The following AGAP1 variants were observed in gnomAD, a reference collection of about 807,000 sequenced individuals.
The protein encoded by AGAP1 is ArfGAP with GTPase domain, ankyrin repeat and PH domain 1.
AGAP1 carries 29 observed loss-of-function variants against 105.3 expected under a neutral mutation model. The ratio of observed to expected loss-of-function variants is 0.28; its 90% CI spans 0.21 to 0.38. The LOEUF (loss-of-function observed/expected upper bound fraction) is 0.38, where lower values mean the gene tolerates loss of function less well. Ranked by LOEUF, AGAP1 falls within the 10% of genes least tolerant of loss-of-function variation. The pLI, the probability that AGAP1 is intolerant of heterozygous loss-of-function variation, is 1.00. For synonymous variants in AGAP1, 509 were observed against 485.9 expected (o/e 1.05, Z -0.63); for missense variants, 998 against 1,165.1 (o/e 0.86, Z 2.09).
At chr2:235,780,839 A>G (rs1956216633) in intron 6 of AGAP1, among the ~76,000 whole-genome samples, 1 of 152,210 alleles carries the variant, frequency 6.6e-6, no homozygotes, top group South Asian at 2.1e-4. Flanking sequence ...TGGGGTAATT[A>G]TACTGAGATA....
chr2:235,852,719 A>G (rs2048524896), intron 9 of AGAP1: 1 of 1,531,834 alleles, frequency 6.5e-7, no homozygotes, highest in Admixed American at 2.1e-5. Context: ...ACTGACAGCC[A>G]GCACTTATCT....
chr2:235,717,302 C>T (rs1279478692), intron 2 of AGAP1, among the ~76,000 whole-genome samples: 1 of 152,190 alleles, frequency 6.6e-6, no homozygotes, highest in Non-Finnish European at 1.5e-5. Flanking sequence ...TGGAAGAATG[C>T]CAAACCAGTG....
At chr2:235,580,981 A>C (rs754934097) in intron 1 of AGAP1, among the ~76,000 whole-genome samples, 4 of 151,988 alleles carry the variant, frequency 2.6e-5, no homozygotes, top group Non-Finnish European at 5.9e-5. Context: ...TGTGTATATT[A>C]TTGCACACTC....
At chr2:235,757,652 C>G (rs1954042562) in intron 6 of AGAP1, among the ~76,000 whole-genome samples, 1 of 152,196 alleles carries the variant, frequency 6.6e-6, no homozygotes, top group Non-Finnish European at 1.5e-5. Flanking sequence ...CTGGGCCTAT[C>G]TAACCCATGC....
chr2:235,766,433 C>T (rs959558618), intron 6 of AGAP1, among the ~76,000 whole-genome samples: 4 of 152,116 alleles, frequency 2.6e-5, no homozygotes, highest in African/African-American at 9.7e-5. Context: ...TTCTCCTGCG[C>T]AAATGTTTTC....
intron 12 of AGAP1, among the ~76,000 whole-genome samples, chr2:235,943,282 A>G (rs765788387): frequency 5.9e-5 from 9 of 152,078 alleles, no homozygotes; most frequent in African/African-American, 7.2e-5. Context: ...AACATTGGTC[A>G]AATCTTTTTC....
In AGAP1 at chr2:235,777,032, A is replaced by G; in HGVS notation, c.674-20727A>G. 1 of 471,164 alleles carries G rather than the reference A, an allele frequency of 2.1e-6. No homozygotes were observed. Among genetic ancestry groups the G allele is most frequent in the Middle Eastern group, 3.2e-4 (1 of 3,078 alleles). 29.2% of individuals were successfully genotyped at this position (471,164 alleles called of 1,614,324 possible). A position where few individuals can be genotyped will look rare whatever the true frequency, so the allele number is the denominator to read the frequency against. ...TGTGAGCGTCTGCTCTTGAGAGGCCAGGCTGGATCCTGCAGAGAAACGAGG... is the reference window on the plus strand; with the variant it reads ...TGTGAGCGTCTGCTCTTGAGAGGCCGGGCTGGATCCTGCAGAGAAACGAGG... On this transcript the variant is annotated intron_variant, in intron 6 of 17. Coordinates refer to ENST00000304032, the MANE Select transcript of AGAP1 (RefSeq NM_001037131.3). This position sits in a 1 kb window ranked among gnomAD's most constrained non-coding sequence, Gnocchi z 5.1.
chr2:235,671,423 A>AGGCTCGCCGGTCGCCGC (rs1458061531), intron 1 of AGAP1, among the ~76,000 whole-genome samples: 12 of 152,036 alleles, frequency 7.9e-5, no homozygotes, highest in Non-Finnish European at 1.5e-4. Context: ...CAGGGAGCCG[A>AGGCTCGCCGGTCGCCGC]GGCTCGCCGG....
At position 235,968,635 on chromosome 2, in the gene AGAP1, G is replaced by C. The variant is rs768818136; in HGVS notation, c.1645+12G>C. On this transcript the variant is annotated intron_variant, in intron 13 of 17. Transcript: ENST00000304032. ...CGGCACTGCTGAAGGTAAGGGTTCC[G>C]CGGTGCCCCGGGAGAGAGTCTCCAC... 5 of 1,595,794 alleles carry C rather than the reference G, an allele frequency of 3.1e-6. No homozygotes were observed. In the Admixed American group the frequency reaches 9.2e-5, roughly 29 times the overall value.
intron 1 of AGAP1, among the ~76,000 whole-genome samples, chr2:235,512,260 G>A (rs10803646): frequency 0.66 from 99,833 of 152,006 alleles, 32,844 homozygotes; most frequent in Admixed American, 0.71. Flanking sequence ...AACTTTCAGG[G>A]GAGAATACCA....
At chr2:235,523,697 A>G (rs1339463935) in intron 1 of AGAP1, among the ~76,000 whole-genome samples, 2 of 152,194 alleles carry the variant, frequency 1.3e-5, no homozygotes, top group Admixed American at 6.5e-5. Context: ...GAGGCTGCAC[A>G]GACATGGCGG....
At chr2:235,510,163 A>G (rs1190253872) in intron 1 of AGAP1, among the ~76,000 whole-genome samples, 1 of 152,188 alleles carries the variant, frequency 6.6e-6, no homozygotes, top group Non-Finnish European at 1.5e-5. Flanking sequence ...CAATGCAGTA[A>G]TGATAGAAAT....
At chr2:236,070,891 A>G (rs918795428) in intron 16 of AGAP1, among the ~76,000 whole-genome samples, 8 of 152,210 alleles carry the variant, frequency 5.3e-5, no homozygotes, top group African/African-American at 1.7e-4. Context: ...ACTCTGAAAA[A>G]TGCTAAAACC....
intron 5 of AGAP1, among the ~76,000 whole-genome samples, chr2:235,748,187 C>T (rs527878778): frequency 1.2e-4 from 19 of 152,250 alleles, no homozygotes; most frequent in South Asian, 6.2e-4. Flanking sequence ...TGCAGAAGCC[C>T]GTTTTGGTGC....
In AGAP1 at chr2:235,729,145, C is replaced by T. The variant is rs1240426140; in HGVS notation, c.310+11501C>T. Among the ~76,000 whole-genome samples, 4 of 152,154 alleles carry T rather than the reference C, an allele frequency of 2.6e-5. No individual in the cohort carries two copies. The highest frequency in any genetic ancestry group is 1.5e-5 in the Non-Finnish European group (1 of 68,042). On this transcript the variant is annotated intron_variant, in intron 3 of 17. Transcript: ENST00000304032. The surrounding 1 kb of genome is among the most constrained non-coding windows in gnomAD (Gnocchi z 5.0). ...GACAGATAGGGGAATCCCCAGGCCACCTCTGGACCTTGACATTGACTAATG... is the reference window on the plus strand; with the variant it reads ...GACAGATAGGGGAATCCCCAGGCCATCTCTGGACCTTGACATTGACTAATG...
intron 1 of AGAP1, among the ~76,000 whole-genome samples, chr2:235,502,920 G>A (rs191122326): frequency 7.1e-6 from 1 of 140,258 alleles, no homozygotes; most frequent in Non-Finnish European, 1.6e-5. Flanking sequence ...AGGCAGAACC[G>A]TACCTTTAGA....
intron 6 of AGAP1, chr2:235,775,518 A>G (rs1029161003): frequency 2.0e-5 from 3 of 152,214 alleles, no homozygotes; most frequent in African/African-American, 4.8e-5. Context: ...AGAAAAATAA[A>G]TGTACTTTGC....
rs560163722 is a variant in AGAP1, at chr2:235,901,523, C to A, written c.1156-7215C>A. Among the ~76,000 whole-genome samples, 2 of 152,222 alleles carry A rather than the reference C, an allele frequency of 1.3e-5. No individual in the cohort carries two copies. Among genetic ancestry groups the A allele is most frequent in the Admixed American group, 6.5e-5 (1 of 15,280 alleles). ...AGCATACACATGGAGCCAATGGCTG[C>A]TTTGCAGACATGAAGCTAGACTAGT... is the stretch of plus-strand genomic sequence containing the variant. On this transcript the variant is annotated intron_variant, in intron 10 of 17. Transcript: ENST00000304032. The surrounding 1 kb of genome is among the most constrained non-coding windows in gnomAD (Gnocchi z 4.3).
rs1375018793 is a variant in AGAP1 at position 236,038,065 on chromosome 2, A to G, written c.1800+1350A>G. On this transcript the variant is annotated intron_variant, in intron 14 of 17. Coordinates refer to ENST00000304032, the MANE Select transcript of AGAP1 (RefSeq NM_001037131.3). The surrounding 1 kb of genome is among the most constrained non-coding windows in gnomAD (Gnocchi z 4.5). ...AAACCAGACCACAGTCATTATTATT[A>G]TAATGTAATTTGCTTCCCTTTTTAA... is the stretch of plus-strand genomic sequence containing the variant. Among the ~76,000 whole-genome samples the G allele has an allele frequency of 6.6e-6, 1 of 152,180 alleles. No individual in the cohort carries two copies. The highest frequency in any genetic ancestry group is 1.5e-5 in the Non-Finnish European group (1 of 68,034).
Sources: allele counts gnomAD v4.1 joint callset (sites outside exome capture counted in the v4.1 genomes callset), GRCh38; gene constraint gnomAD v4.1.1; non-coding constraint Gnocchi (gnomAD v3.1); transcripts MANE v1.5; gene names NCBI Gene and HGNC (gene_info 2026-07-23, HGNC 2026-07-21).